ZNF343: variants seen among roughly 807,000 people sequenced by gnomAD.
The protein encoded by ZNF343 is zinc finger protein 343.
In ZNF343, 11 loss-of-function variants were observed where a neutral mutation model predicts 13.8. That is an observed-to-expected ratio of 0.80 (90% confidence interval 0.50 to 1.32). The LOEUF is 1.32. Among genes scored for constraint, ZNF343 ranks in the 40% most tolerant of loss-of-function variants. ZNF343 has a pLI of 0.00. For synonymous variants in ZNF343, 248 were observed against 260.0 expected, an observed-to-expected ratio of 0.95 and a Z score of 0.44; for missense variants, 658 against 714.2, an observed-to-expected ratio of 0.92 and a Z score of 0.90.
At chr20:2,506,264 A>G (rs1231630842) in intron 1 of ZNF343, among the ~76,000 whole-genome samples, 2 of 152,240 alleles carry the variant, frequency 1.3e-5, no homozygotes, top group Non-Finnish European at 2.9e-5. Flanking sequence ...CACACCAGTT[A>G]GAATGGCGAT....
chr20:2,522,585 T>C (rs2085787222), intron 1 of ZNF343, among the ~76,000 whole-genome samples: 1 of 152,248 alleles, frequency 6.6e-6, no homozygotes. Context: ...TGGCTCAGTT[T>C]CAATTTTAAC....
Position 2,482,819 on chromosome 20 carries a change from G to A in ZNF343, c.*342C>T. 1 of 269,874 alleles carries A rather than the reference G, an allele frequency of 3.7e-6. No homozygotes were observed. Among genetic ancestry groups the A allele is most frequent in the Non-Finnish European group, 7.0e-6 (1 of 142,172 alleles). 16.7% of individuals were successfully genotyped at this position (269,874 alleles called of 1,614,324 possible). A position where few individuals can be genotyped will look rare whatever the true frequency, so the allele number is the denominator to read the frequency against. ...TACTGATGCTCCCCAACACTCCCCAGACAAGGGTGCTTTCCCCTGAGGCTG... is the reference window on the plus strand; with the variant it reads ...TACTGATGCTCCCCAACACTCCCCAAACAAGGGTGCTTTCCCCTGAGGCTG... On this transcript the variant is annotated 3_prime_UTR_variant, in exon 6 of 6. Transcript: ENST00000278772.
In ZNF343 at chr20:2,484,253, C is replaced by G; in HGVS notation, c.708G>C (p.Leu236Phe). The G allele has an allele frequency of 6.2e-7, 1 of 1,614,194 alleles. No homozygotes were observed. The highest frequency in any genetic ancestry group is 8.5e-7 in the Non-Finnish European group (1 of 1,180,040). ...LDKGLKELET[L>F]RFGAINCREY... ...CTCTACAGTTGATTGCTCCAAATCT[C>G]AAGGTTTCTAATTCCTTCAAGCCTT... The change falls in exon 6 of 6, where the codon TTG becomes TTC. Residue 236 changes from leucine (L) to phenylalanine (F), a missense_variant. Coordinates refer to ENST00000278772, the MANE Select transcript of ZNF343 (RefSeq NM_024325.6).
chr20:2,494,680 G>C (rs2085428303), intron 2 of ZNF343, among the ~76,000 whole-genome samples: 2 of 151,616 alleles, frequency 1.3e-5, no homozygotes, highest in African/African-American at 4.9e-5. Flanking sequence ...GAGGTGGGAG[G>C]ATCACCTGAC....
chr20:2,515,012 A>AAAG (rs997279830), intron 1 of ZNF343, among the ~76,000 whole-genome samples: 18 of 151,844 alleles, frequency 1.2e-4, no homozygotes, highest in South Asian at 4.2e-4. Flanking sequence ...CAAAAAAAAA[A>AAAG]AAGAAGAAGA....
chr20:2,496,456 A>G (rs968425891), intron 2 of ZNF343, among the ~76,000 whole-genome samples: 1 of 152,224 alleles, frequency 6.6e-6, no homozygotes, highest in Non-Finnish European at 1.5e-5. Context: ...AGCCTTGAGC[A>G]TGCTGGTTTT....
intron 1 of ZNF343, among the ~76,000 whole-genome samples, chr20:2,515,759 C>T (rs1037746607): frequency 6.6e-6 from 1 of 152,156 alleles, no homozygotes; most frequent in African/African-American, 2.4e-5. Flanking sequence ...AACCCTTACC[C>T]TTGACTTTGA....
chr20:2,505,690 G>A (rs1261101723), intron 1 of ZNF343, among the ~76,000 whole-genome samples: 1 of 152,178 alleles, frequency 6.6e-6, no homozygotes, highest in Non-Finnish European at 1.5e-5. Flanking sequence ...AAGAAATGGG[G>A]AAAGGATTCC....
At chr20:2,494,073 G>C (rs1041367134) in intron 2 of ZNF343, 29 bp from the exon 3 acceptor site, 3 of 599,798 alleles carry the variant, frequency 5.0e-6, no homozygotes, top group Non-Finnish European at 8.9e-6. Flanking sequence ...ATTTGCTATT[G>C]CTGGGGCTTT....
rs1027200922 is a variant in ZNF343 at position 2,508,316 on chromosome 20, G to A, written c.-237+565C>T. 2.0e-5 allele frequency among the ~76,000 whole-genome samples: 3 copies of A among 150,912 alleles called. No individual in the cohort carries two copies. Among genetic ancestry groups the A allele is most frequent in the Non-Finnish European group, 4.4e-5 (3 of 67,898 alleles). ...CCCCTAATAAACCAAGGTCCATCAA[G>A]CATCAAGGCCTGAGACGGCCTCCCC... On this transcript the variant is annotated intron_variant, in intron 1 of 5. Coordinates refer to ENST00000278772, the MANE Select transcript of ZNF343 (RefSeq NM_024325.6). The surrounding 1 kb of genome is among the most constrained non-coding windows in gnomAD (Gnocchi z 4.5).
intron 1 of ZNF343, among the ~76,000 whole-genome samples, chr20:2,502,251 G>A (rs1237501129): frequency 2.0e-5 from 3 of 152,140 alleles, no homozygotes; most frequent in Non-Finnish European, 4.4e-5. Flanking sequence ...AGCAAGAAGA[G>A]AAGTTAGAGA....
chr20:2,484,830 A>T (rs1312982420), intron 5 of ZNF343, among the ~76,000 whole-genome samples, 174 bp from the exon 6 acceptor site: 2 of 152,204 alleles, frequency 1.3e-5, no homozygotes, highest in Non-Finnish European at 2.9e-5. Flanking sequence ...TTCTATTGCA[A>T]TCCAGAAAAT....
intron 1 of ZNF343, among the ~76,000 whole-genome samples, chr20:2,502,388 G>T (rs2085583742): frequency 6.6e-6 from 1 of 152,194 alleles, no homozygotes; most frequent in South Asian, 2.1e-4. Context: ...AAAACACTCT[G>T]CAGGATATTA....
chr20:2,489,546 C>T (rs1404374707), intron 5 of ZNF343, among the ~76,000 whole-genome samples: 1 of 152,186 alleles, frequency 6.6e-6, no homozygotes, highest in Non-Finnish European at 1.5e-5. Context: ...AGGATGTGGT[C>T]CCATCATTGC....
intron 5 of ZNF343, among the ~76,000 whole-genome samples, chr20:2,485,297 A>G (rs1395416225): frequency 6.6e-6 from 1 of 152,192 alleles, no homozygotes; most frequent in Non-Finnish European, 1.5e-5. Flanking sequence ...AAACAACAAA[A>G]TCTGCCTTTC....
In ZNF343 at chr20:2,482,708, G is replaced by A. The variant is rs1180606820; in HGVS notation, c.*453C>T. 1.1e-5 allele frequency: 2 copies of A among 174,642 alleles called. No homozygotes were observed. The highest frequency in any genetic ancestry group is 4.8e-5 in the African/African-American group (2 of 41,892). The allele number at this position is 174,642 out of a possible 1,614,324, so 10.8% of individuals were successfully genotyped here. ...CCCACATGCAGATTCTCCCTGTGGT[G>A]TGTGATCACAAAAGCTTTGCCCATA... On this transcript the variant is annotated 3_prime_UTR_variant, in exon 6 of 6. Coordinates refer to ENST00000278772, the MANE Select transcript of ZNF343 (RefSeq NM_024325.6).
chr20:2,518,576 C>T lies in ZNF343; in HGVS notation c.-347+5879G>A, dbSNP rs1457708891. ...TCTGATTTCTAAATAGCTACCCCTC[C>T]GGTTCCACACTCACTCACAACCTAC... is the stretch of plus-strand genomic sequence containing the variant. On this transcript the variant is annotated intron_variant, in intron 1 of 6. Transcript: ENST00000358413. The surrounding 1 kb of genome is among the most constrained non-coding windows in gnomAD (Gnocchi z 4.6). 2.0e-5 allele frequency among the ~76,000 whole-genome samples: 3 copies of T among 152,136 alleles called. No individual in the cohort carries two copies. In the East Asian group the frequency reaches 5.8e-4, roughly 29 times the overall value.
intron 1 of ZNF343, among the ~76,000 whole-genome samples, chr20:2,519,884 T>C (rs2085775210): frequency 6.6e-6 from 1 of 152,222 alleles, no homozygotes; most frequent in Admixed American, 6.5e-5. Context: ...TTGCCTAGGT[T>C]CATCCTAATT....
chr20:2,488,724 A>C (rs1415619124), intron 5 of ZNF343, among the ~76,000 whole-genome samples: 1 of 152,144 alleles, frequency 6.6e-6, no homozygotes, highest in Non-Finnish European at 1.5e-5. Context: ...CTTAGGGATA[A>C]GTGACAACCT....
Sources: gnomAD v4.1 joint callset for allele counts (sites outside exome capture counted in the v4.1 genomes callset) on GRCh38, gnomAD v4.1.1 for gene constraint, Gnocchi (gnomAD v3.1) non-coding constraint, MANE v1.5 for transcripts, NCBI Gene and HGNC (gene_info 2026-07-23, HGNC 2026-07-21) for gene names.